Variants in PARP8 observed in about 807,000 individuals in gnomAD.
PARP8 encodes the protein poly(ADP-ribose) polymerase family member 8, also known as protein mono-ADP-ribosyltransferase PARP8.
A neutral mutation model predicts 124.1 loss-of-function variants in PARP8; 51 were observed. That is an observed-to-expected ratio of 0.41 (90% CI 0.33 to 0.52). The LOEUF is 0.52. PARP8 is among the 20% of genes least tolerant of loss of function. PARP8 has a pLI of 0.21. For synonymous variants in PARP8, 391 were observed against 361.5 expected, an observed-to-expected ratio of 1.08 and a Z score of -0.93; for missense variants, 860 against 1,018.9, an observed-to-expected ratio of 0.84 and a Z score of 2.12.
At chr5:50,701,817 A>G (rs996707472) in intron 2 of PARP8, among the ~76,000 whole-genome samples, 4 of 152,160 alleles carry the variant, frequency 2.6e-5, no homozygotes, top group Non-Finnish European at 5.9e-5. Flanking sequence ...GGTCAGTAAC[A>G]TGGTTATATA....
chr5:50,816,182 G>T (rs917746283), intron 15 of PARP8, among the ~76,000 whole-genome samples: 1 of 152,022 alleles, frequency 6.6e-6, no homozygotes, highest in Non-Finnish European at 1.5e-5. Flanking sequence ...CAGATCAATG[G>T]CAGATTATCC....
At chr5:50,792,861 C>T (rs1198235646) in intron 10 of PARP8, among the ~76,000 whole-genome samples, 1 of 152,062 alleles carries the variant, frequency 6.6e-6, no homozygotes, top group Non-Finnish European at 1.5e-5. Context: ...TTTATCAAAA[C>T]TAGCAGAAAA....
In PARP8 at chr5:50,812,423, C is replaced by T. The variant is rs180854563; in HGVS notation, c.1576-3009C>T. ...GAAGTGTCTGTTCGTATCCTTCGCC[C>T]ACTTTTTGTTGGGGTTGTTTGATTT... On this transcript the variant is annotated intron_variant, in intron 14 of 25. Coordinates refer to ENST00000281631, the MANE Select transcript of PARP8 (RefSeq NM_024615.4). Among the ~76,000 whole-genome samples the T allele has an allele frequency of 5.5e-3, 844 of 152,276 alleles. 7 individuals are homozygous for T. Among genetic ancestry groups the T allele is most frequent in the African/African-American group, 0.019 (790 of 41,540 alleles).
chr5:50,697,341 T>C (rs1292613385), intron 2 of PARP8, among the ~76,000 whole-genome samples: 1 of 152,238 alleles, frequency 6.6e-6, no homozygotes, highest in Non-Finnish European at 1.5e-5. Flanking sequence ...TGGAAAGTTA[T>C]TGAATGAATA....
At chr5:50,674,714 A>T (rs1750416762) in intron 2 of PARP8, among the ~76,000 whole-genome samples, 1 of 152,176 alleles carries the variant, frequency 6.6e-6, no homozygotes, top group Admixed American at 6.5e-5. Flanking sequence ...CCGCCCACTC[A>T]TCAACAGTTT....
chr5:50,793,775 T>C (rs1043299343), intron 10 of PARP8, among the ~76,000 whole-genome samples: 1 of 152,096 alleles, frequency 6.6e-6, no homozygotes, highest in African/African-American at 2.4e-5. Flanking sequence ...ACTTCTATCT[T>C]AATAAATAGC....
chr5:50,842,879 T>C lies in PARP8; in HGVS notation c.*811T>C, dbSNP rs746796127. 1.3e-5 allele frequency: 2 copies of C among 151,744 alleles called. No homozygotes were observed. The highest frequency in any genetic ancestry group is 3.0e-5 in the Non-Finnish European group (2 of 67,786). The allele number at this position is 151,744 out of a possible 1,614,324, so 9.4% of individuals were successfully genotyped here. On this transcript the variant is annotated 3_prime_UTR_variant, in exon 26 of 26. Coordinates refer to ENST00000281631, the MANE Select transcript of PARP8 (RefSeq NM_024615.4). The stretch of plus-strand genomic sequence containing the variant: ...GAAATTCAGCCCTTTTAAAATGTTA[T>C]CTAAAAGTCATAATTTGGGGAACAT...
intron 21 of PARP8, among the ~76,000 whole-genome samples, chr5:50,828,745 A>ATATATT (rs1211302630): frequency 2.7e-5 from 4 of 150,774 alleles, no homozygotes; most frequent in African/African-American, 9.7e-5. Context: ...ATATATATAT[A>ATATATT]TATTTATCCA....
intron 16 of PARP8, 141 bp from the exon 17 acceptor site, chr5:50,822,194 G>A: frequency 3.0e-6 from 2 of 664,286 alleles, no homozygotes; most frequent in South Asian, 3.4e-5. Context: ...TCCCTTTTAT[G>A]TACACCAAAC....
intron 25 of PARP8, among the ~76,000 whole-genome samples, chr5:50,840,874 T>C (rs1036271491): frequency 3.3e-5 from 5 of 151,884 alleles, no homozygotes; most frequent in African/African-American, 1.2e-4. Flanking sequence ...CATTTCCATG[T>C]ATATGTAAGT....
intron 2 of PARP8, among the ~76,000 whole-genome samples, chr5:50,731,129 T>A (rs577807992): frequency 6.6e-6 from 1 of 152,230 alleles, no homozygotes; most frequent in African/African-American, 2.4e-5. Flanking sequence ...TGGAATTGAA[T>A]GAGTCTCTTT....
At chr5:50,798,797 T>C (rs1304835785) in intron 14 of PARP8, among the ~76,000 whole-genome samples, 1 of 152,198 alleles carries the variant, frequency 6.6e-6, no homozygotes, top group African/African-American at 2.4e-5. Flanking sequence ...GACTAAAAGA[T>C]ACTAAAATAT....
intron 2 of PARP8, among the ~76,000 whole-genome samples, chr5:50,719,941 T>G (rs1053720970): frequency 6.6e-6 from 1 of 152,034 alleles, no homozygotes; most frequent in African/African-American, 2.4e-5. Context: ...TCTAAAAGAC[T>G]TAAGAGAACC....
intron 2 of PARP8, among the ~76,000 whole-genome samples, chr5:50,714,099 T>TC (rs1433438431): frequency 6.6e-6 from 1 of 150,648 alleles, no homozygotes; most frequent in African/African-American, 2.4e-5. Context: ...TTTTTTTTTT[T>TC]CCCCAGAATT....
At chr5:50,692,482 G>C (rs1349923748) in intron 2 of PARP8, among the ~76,000 whole-genome samples, 1 of 151,880 alleles carries the variant, frequency 6.6e-6, no homozygotes, top group Non-Finnish European at 1.5e-5. Flanking sequence ...ATTCTTTAAA[G>C]GCAGAAAGAA....
At chr5:50,754,989 G>A (rs1216688818) in intron 3 of PARP8, among the ~76,000 whole-genome samples, 3 of 152,156 alleles carry the variant, frequency 2.0e-5, no homozygotes, top group Non-Finnish European at 2.9e-5. Context: ...CTTCTTTTGA[G>A]AAGTGTCTGT....
chr5:50,702,296 G>A (rs1753683181), intron 2 of PARP8, among the ~76,000 whole-genome samples: 1 of 152,072 alleles, frequency 6.6e-6, no homozygotes, highest in Non-Finnish European at 1.5e-5. Context: ...TACTTATCAT[G>A]TGACAATAAA....
At chr5:50,739,713 T>C (rs1248368145) in intron 2 of PARP8, among the ~76,000 whole-genome samples, 1 of 97,430 alleles carries the variant, frequency 1.0e-5, no homozygotes, top group Non-Finnish European at 1.8e-5. Context: ...TATATACATA[T>C]ATATATATAT....
intron 10 of PARP8, 67 bp downstream of exon 10, chr5:50,788,656 A>G: frequency 7.5e-7 from 1 of 1,333,758 alleles, no homozygotes. Context: ...TTTGTTCATT[A>G]AAACAAACAA....
Sources: gnomAD v4.1 joint callset for allele counts (sites outside exome capture counted in the v4.1 genomes callset) on GRCh38, gnomAD v4.1.1 for gene constraint, MANE v1.5 for transcripts, NCBI Gene and HGNC (gene_info 2026-07-23, HGNC 2026-07-21) for gene names.